Variants in SLC8A1 observed in about 807,000 individuals in gnomAD.
SLC8A1 encodes solute carrier family 8 member A1.
In SLC8A1, 18 loss-of-function variants were observed where a neutral mutation model predicts 68.3. The ratio of observed to expected loss-of-function variants is 0.26; its 90% CI spans 0.18 to 0.39. The LOEUF (loss-of-function observed/expected upper bound fraction) is 0.39. SLC8A1 is among the 10% of genes least tolerant of loss of function. SLC8A1 has a pLI of 1.00. For missense variants in SLC8A1, 985 were observed against 1,156.7 expected (o/e 0.85, Z 2.15); for synonymous variants, 475 against 415.5 (o/e 1.14, Z -1.74).
At chr2:40,460,852 C>T (rs901227613) in intron 1 of SLC8A1, among the ~76,000 whole-genome samples, 8 of 127,134 alleles carry the variant, frequency 6.3e-5, no homozygotes, top group East Asian at 2.0e-4. Flanking sequence ...GGATTACAGG[C>T]GTGAGCCACC....
intron 2 of SLC8A1, among the ~76,000 whole-genome samples, chr2:40,402,005 T>C (rs371274624): frequency 2.0e-5 from 3 of 152,228 alleles, no homozygotes; most frequent in African/African-American, 7.2e-5. Flanking sequence ...ACTCCATCCA[T>C]GAATAAGGGC....
At chr2:40,417,917 A>G (rs1694356917) in intron 2 of SLC8A1, among the ~76,000 whole-genome samples, 1 of 147,220 alleles carries the variant, frequency 6.8e-6, no homozygotes, top group East Asian at 2.0e-4. Context: ...CAGAGTCATA[A>G]AACAGTAAGC....
At chr2:40,198,023 A>G (rs2053417446) in intron 2 of SLC8A1, among the ~76,000 whole-genome samples, 1 of 152,036 alleles carries the variant, frequency 6.6e-6, no homozygotes, top group Admixed American at 6.6e-5. Flanking sequence ...ACAGGAGTGC[A>G]TATCAGAATG....
At chr2:40,494,656 T>TAC (rs1705563207) in intron 1 of SLC8A1, among the ~76,000 whole-genome samples, 1 of 113,328 alleles carries the variant, frequency 8.8e-6, no homozygotes, top group South Asian at 2.7e-4. Flanking sequence ...TATATATATA[T>TAC]ATATATATAT....
chr2:40,258,504 A>C (rs1206336641), intron 2 of SLC8A1, among the ~76,000 whole-genome samples: 1 of 151,834 alleles, frequency 6.6e-6, no homozygotes, highest in Non-Finnish European at 1.5e-5. Context: ...GGGGTTCTGG[A>C]CTTGGCTAAA....
intron 1 of SLC8A1, among the ~76,000 whole-genome samples, chr2:40,470,972 A>G (rs4140728): frequency 0.037 from 5,628 of 152,272 alleles, 306 homozygotes; most frequent in East Asian, 0.27. Flanking sequence ...CAGATTACAA[A>G]CACATAAGTG....
chr2:40,372,222 A>G (rs1383545297), intron 2 of SLC8A1, among the ~76,000 whole-genome samples: 1 of 152,074 alleles, frequency 6.6e-6, no homozygotes, highest in Non-Finnish European at 1.5e-5. Flanking sequence ...TGCCATGGCT[A>G]TATATGGTCA....
chr2:40,222,500 G>T (rs1042505550), intron 2 of SLC8A1, among the ~76,000 whole-genome samples: 1 of 152,134 alleles, frequency 6.6e-6, no homozygotes, highest in Non-Finnish European at 1.5e-5. Context: ...TAAAAGCAAT[G>T]GCAACAAAAG....
intron 2 of SLC8A1, among the ~76,000 whole-genome samples, chr2:40,242,488 T>A (rs1277121901): frequency 6.6e-6 from 1 of 152,196 alleles, no homozygotes; most frequent in Non-Finnish European, 1.5e-5. Flanking sequence ...GACAAGGGTA[T>A]AATTATAAAT....
At chr2:40,381,886 C>A (rs1446865148) in intron 2 of SLC8A1, among the ~76,000 whole-genome samples, 2 of 151,884 alleles carry the variant, frequency 1.3e-5, no homozygotes, top group East Asian at 3.9e-4. Flanking sequence ...TTCCATACCT[C>A]TCCCTAATTC....
chr2:40,243,672 C>T (rs574264902), intron 2 of SLC8A1, among the ~76,000 whole-genome samples: 1 of 152,176 alleles, frequency 6.6e-6, no homozygotes, highest in South Asian at 2.1e-4. Flanking sequence ...ATCACATCAG[C>T]ACTGTGTATT....
chr2:40,335,848 T>G (rs1048541466), intron 2 of SLC8A1, among the ~76,000 whole-genome samples: 20 of 152,236 alleles, frequency 1.3e-4, no homozygotes, highest in African/African-American at 4.1e-4. Flanking sequence ...ATCCAATTTA[T>G]ATCAGTGGAA....
At chr2:40,307,701 G>C (rs62150809) in intron 2 of SLC8A1, among the ~76,000 whole-genome samples, 32,400 of 152,058 alleles carry the variant, frequency 0.21, 4,026 homozygotes, top group East Asian at 0.38. Context: ...CCAGAGGTGT[G>C]TCTGGTCAGT....
chr2:40,413,780 T>C (rs1692950191), intron 2 of SLC8A1, among the ~76,000 whole-genome samples: 1 of 152,158 alleles, frequency 6.6e-6, no homozygotes, highest in Non-Finnish European at 1.5e-5. Flanking sequence ...TTTCCTTTGT[T>C]CATAAGGCAA....
exon 8 of SLC8A1, chr2:40,105,563 A>G (rs2034143707): frequency 6.6e-6 from 1 of 152,188 alleles, no homozygotes; most frequent in South Asian, 2.1e-4. Context: ...AAAAGGATGC[A>G]AGTGTAGACA....
chr2:40,273,132 G>A (rs1400798437), intron 2 of SLC8A1, among the ~76,000 whole-genome samples: 1 of 151,994 alleles, frequency 6.6e-6, no homozygotes, highest in African/African-American at 2.4e-5. Context: ...TAGTAGAGAC[G>A]GGGTTTCACC....
intron 2 of SLC8A1, among the ~76,000 whole-genome samples, chr2:40,286,044 T>C (rs2068248899): frequency 6.6e-6 from 1 of 152,184 alleles, no homozygotes; most frequent in South Asian, 2.1e-4. Context: ...TTCAGAACTC[T>C]GGGCTGGTTC....
At chr2:40,202,691 G>C (rs1246245195) in intron 2 of SLC8A1, among the ~76,000 whole-genome samples, 2 of 151,958 alleles carry the variant, frequency 1.3e-5, no homozygotes, top group Non-Finnish European at 1.5e-5. Context: ...AAGTACACAA[G>C]AGCTAAACTG....
At chr2:40,277,794 G>A (rs201788571) in intron 2 of SLC8A1, among the ~76,000 whole-genome samples, 2,736 of 107,958 alleles carry the variant, frequency 0.025, 124 homozygotes, top group African/African-American at 0.081. Context: ...ATATATGTGT[G>A]TATATATATA....
Sources: gnomAD v4.1 joint callset for allele counts (sites outside exome capture counted in the v4.1 genomes callset) on GRCh38, gnomAD v4.1.1 for gene constraint, MANE v1.5 for transcripts, NCBI Gene and HGNC (gene_info 2026-07-23, HGNC 2026-07-21) for gene names.